Variants in JAK1 observed in about 807,000 individuals in gnomAD.
JAK1 encodes tyrosine-protein kinase JAK1.
JAK1 carries 16 observed loss-of-function variants against 136.6 expected under a neutral mutation model. The observed-to-expected ratio is 0.12, with a 90% CI of 0.08 to 0.18. The LOEUF (loss-of-function observed/expected upper bound fraction) is 0.18. JAK1 is among the 10% of genes least tolerant of loss of function. The pLI is 1.00. For missense variants in JAK1, 859 were observed against 1,450.1 expected (o/e 0.59, Z 6.62); for synonymous variants, 492 against 519.5 (o/e 0.95, Z 0.72).
At chr1:64,998,303 A>C (rs568191576) in intron 2 of JAK1, among the ~76,000 whole-genome samples, 57 of 152,352 alleles carry the variant, frequency 3.7e-4, no homozygotes, top group African/African-American at 1.2e-3. Flanking sequence ...GCATTGTTGA[A>C]AGTAATTACC....
chr1:64,871,012 T>C (rs1657041154), intron 5 of JAK1, among the ~76,000 whole-genome samples: 1 of 152,104 alleles, frequency 6.6e-6, no homozygotes, highest in African/African-American at 2.4e-5. Context: ...TCTTCAAGTA[T>C]GGCACACTCT....
chr1:64,933,834 T>C (rs1645740630), intron 1 of JAK1, among the ~76,000 whole-genome samples: 1 of 152,252 alleles, frequency 6.6e-6, no homozygotes, highest in African/African-American at 2.4e-5. Flanking sequence ...CAAAGAATCC[T>C]GGGTTTGCCT....
At chr1:64,973,621 CAAAAAAAAAA>C (rs1014601503) in intron 2 of JAK1, 2 of 63,630 alleles carry the variant, frequency 3.1e-5, no homozygotes, top group African/African-American at 5.7e-5. Context: ...TCTCACTTTG[CAAAAAAAAAA>C]AAAAAAAAAA....
intron 3 of JAK1, 120 bp from the exon 4 acceptor site, chr1:64,879,268 C>CATAT: frequency 8.4e-7 from 1 of 1,196,832 alleles, no homozygotes; most frequent in South Asian, 1.5e-5. Flanking sequence ...CTGGGTCACT[C>CATAT]ATATCCTCTT....
At chr1:64,869,284 A>T in intron 6 of JAK1, 27 bp downstream of exon 6, 1 of 1,604,896 alleles carries the variant, frequency 6.2e-7, no homozygotes, top group East Asian at 2.2e-5. Flanking sequence ...CCTCACAATC[A>T]ATTCTTCAGC....
intron 2 of JAK1, among the ~76,000 whole-genome samples, chr1:65,026,073 C>T (rs1646975674): frequency 6.6e-6 from 1 of 152,056 alleles, no homozygotes; most frequent in Non-Finnish European, 1.5e-5. Context: ...TGTAAAAGTG[C>T]CTGGCACATA....
At chr1:64,894,292 C>T (rs933162153) in intron 1 of JAK1, among the ~76,000 whole-genome samples, 2 of 152,156 alleles carry the variant, frequency 1.3e-5, no homozygotes, top group Non-Finnish European at 2.9e-5. Flanking sequence ...ACCTAGTTTG[C>T]CCTCAGTTAT....
intron 1 of JAK1, among the ~76,000 whole-genome samples, chr1:64,945,193 T>A (rs891718372): frequency 6.6e-6 from 1 of 152,066 alleles, no homozygotes; most frequent in Non-Finnish European, 1.5e-5. Context: ...AAGATGGCAG[T>A]TCAAAAGAAG....
chr1:64,887,770 A>C (rs1185221873), intron 1 of JAK1, among the ~76,000 whole-genome samples: 1 of 152,212 alleles, frequency 6.6e-6, no homozygotes, highest in Non-Finnish European at 1.5e-5. Context: ...CATGAAGCCA[A>C]AACGGAGATA....
intron 14 of JAK1, 74 bp downstream of exon 14, chr1:64,846,575 G>A (rs1655244919): frequency 1.9e-6 from 2 of 1,078,090 alleles, no homozygotes; most frequent in East Asian, 2.4e-5. Context: ...AGGGTGGGAA[G>A]AGCCTCCACC....
chr1:64,925,128 G>A (rs1192668210), intron 1 of JAK1, among the ~76,000 whole-genome samples: 4 of 152,050 alleles, frequency 2.6e-5, no homozygotes, highest in Non-Finnish European at 5.9e-5. Flanking sequence ...TGGGCGCAGT[G>A]GCTCATGCCT....
intron 2 of JAK1, among the ~76,000 whole-genome samples, chr1:65,028,240 C>G (rs751637441): frequency 1.3e-5 from 2 of 152,076 alleles, no homozygotes; most frequent in African/African-American, 4.8e-5. Context: ...ATTAAAATAG[C>G]AATCCCCTCA....
chr1:64,866,988 T>C lies in JAK1; in HGVS notation c.868A>G (p.Met290Val), dbSNP rs759771653. The C allele has an allele frequency of 3.1e-6, 5 of 1,614,230 alleles. No homozygotes were observed. The highest frequency in any genetic ancestry group is 1.1e-5 in the South Asian group (1 of 91,088). ...TCATTTTCTGATGAAATCAGTAACATGGAAGTCTCAAATATTTCAGCACCG... is the reference window on the plus strand; with the variant it reads ...TCATTTTCTGATGAAATCAGTAACACGGAAGTCTCAAATATTTCAGCACCG... ...HYGAEIFETSMLLISSENEMN... is the reference protein window; with the variant it reads ...HYGAEIFETSVLLISSENEMN... The change falls in exon 7 of 25, where the codon ATG (methionine) becomes GTG (valine). Residue 290 changes from methionine (M) to valine (V), a missense_variant. Met to Val is a conservative substitution (Grantham distance 21). Around this residue, in one of 4 missense-constraint regions of JAK1, gnomAD observed 353 missense variants for 494.0 expected, o/e 0.71. Coordinates refer to ENST00000342505, the MANE Select transcript of JAK1 (RefSeq NM_002227.4).
intron 2 of JAK1, among the ~76,000 whole-genome samples, chr1:65,006,687 T>G (rs1435065570): frequency 6.6e-6 from 1 of 152,204 alleles, no homozygotes; most frequent in Non-Finnish European, 1.5e-5. Flanking sequence ...GATTTCATAT[T>G]TCCCTTTCTC....
chr1:65,014,437 T>TGGGA (rs1646875565), intron 2 of JAK1, among the ~76,000 whole-genome samples: 1 of 133,192 alleles, frequency 7.5e-6, no homozygotes, highest in African/African-American at 2.8e-5. Flanking sequence ...AAAGAGAGAA[T>TGGGA]GGGAGGGAGG....
At chr1:64,900,261 T>C (rs894076359) in intron 1 of JAK1, among the ~76,000 whole-genome samples, 2 of 152,226 alleles carry the variant, frequency 1.3e-5, no homozygotes, top group Non-Finnish European at 2.9e-5. Context: ...TTAAGTGCTA[T>C]GACTTCAGAG....
At chr1:65,013,499 G>A (rs1646867747) in intron 2 of JAK1, among the ~76,000 whole-genome samples, 1 of 152,054 alleles carries the variant, frequency 6.6e-6, no homozygotes, top group African/African-American at 2.4e-5. Flanking sequence ...TACCCTAAAG[G>A]GACTGCTGCT....
At chr1:64,918,075 G>A (rs1284475427) in intron 1 of JAK1, among the ~76,000 whole-genome samples, 1 of 152,080 alleles carries the variant, frequency 6.6e-6, no homozygotes, top group Non-Finnish European at 1.5e-5. Flanking sequence ...CTTGCTCTGG[G>A]GACATATACA....
intron 2 of JAK1, among the ~76,000 whole-genome samples, chr1:65,024,850 A>C (rs1646964978): frequency 6.6e-6 from 1 of 151,908 alleles, no homozygotes; most frequent in Non-Finnish European, 1.5e-5. Context: ...GGTGGCAGGC[A>C]CCTGTAATCT....
Sources: gnomAD v4.1 joint callset for allele counts (sites outside exome capture counted in the v4.1 genomes callset) on GRCh38, gnomAD v4.1.1 for gene constraint, gnomAD v4.1.1 regional missense constraint, MANE v1.5 for transcripts, NCBI Gene and HGNC (gene_info 2026-07-23, HGNC 2026-07-21) for gene names.